Variants in CDK15 observed in about 807,000 individuals in gnomAD.
CDK15 encodes the protein cyclin-dependent kinase 15.
Under a neutral mutation model 60.3 loss-of-function variants are expected in CDK15, and 62 were observed. That is an observed-to-expected ratio of 1.03 (90% CI 0.84 to 1.27). The LOEUF is 1.27. Among genes scored for constraint, CDK15 ranks in the 50% most tolerant of loss-of-function variants. The probability of loss-of-function intolerance (pLI) is 0.00; values close to 1 mark genes in which losing one functional copy is unlikely to be tolerated. For missense variants in CDK15, 541 were observed against 527.8 expected (o/e 1.03, Z -0.25); for synonymous variants, 194 against 195.7 (o/e 0.99, Z 0.07).
At chr2:201,810,902 TG>T (rs1375758538) in intron 3 of CDK15, among the ~76,000 whole-genome samples, 7 of 148,206 alleles carry the variant, frequency 4.7e-5, no homozygotes, top group Admixed American at 4.1e-4. Flanking sequence ...TGGGGTGCAG[TG>T]GCGCAATCTC....
At chr2:201,854,658 CG>C (rs1698064473) in intron 9 of CDK15, 1 of 547,862 alleles carries the variant, frequency 1.8e-6, no homozygotes, top group Non-Finnish European at 3.3e-6. Flanking sequence ...ATGCAGGCCC[CG>C]GACCATAGGA....
chr2:201,813,727 CA>C (rs1695872601), intron 4 of CDK15, among the ~76,000 whole-genome samples: 1 of 152,158 alleles, frequency 6.6e-6, no homozygotes, highest in African/African-American at 2.4e-5. Context: ...GTTATGCAAA[CA>C]AGCATGGAAA....
chr2:201,809,719 T>C (rs1695670432), intron 3 of CDK15, among the ~76,000 whole-genome samples: 1 of 152,070 alleles, frequency 6.6e-6, no homozygotes, highest in Non-Finnish European at 1.5e-5. Context: ...CCCTATAGAA[T>C]CCCTACCCTC....
At chr2:201,887,539 A>G (rs1004090984) in intron 12 of CDK15, among the ~76,000 whole-genome samples, 1 of 152,180 alleles carries the variant, frequency 6.6e-6, no homozygotes, top group South Asian at 2.1e-4. Context: ...TTTGGCTGTA[A>G]TAAACCTCAG....
At chr2:201,833,730 T>TTTC in intron 6 of CDK15, 118 bp from the exon 7 acceptor site, 6 of 764,240 alleles carry the variant, frequency 7.9e-6, no homozygotes, top group Non-Finnish European at 1.1e-5. Flanking sequence ...TTTTTTTTTT[T>TTTC]TTTGGTCTCT....
chr2:201,829,831 G>T (rs1696671274), intron 6 of CDK15, among the ~76,000 whole-genome samples: 1 of 151,080 alleles, frequency 6.6e-6, no homozygotes. Context: ...TTTTTAGATG[G>T]GAGTCTCGCT....
chr2:201,891,817 G>A lies in CDK15; in HGVS notation c.*33+890G>A, dbSNP rs535960647. Reference sequence around the variant, plus strand: ...GCACAGCCTGCCAGCCAGCCTGCCCGCCCTTTAGGTGACCCTGGCTATATT... The same window carrying A: ...GCACAGCCTGCCAGCCAGCCTGCCCACCCTTTAGGTGACCCTGGCTATATT... On this transcript the variant is annotated intron_variant, in intron 13 of 13. Transcript: ENST00000652192. Among the ~76,000 whole-genome samples the A allele has an allele frequency of 9.9e-5, 15 of 152,202 alleles. No homozygotes were observed. In the South Asian group the frequency reaches 1.2e-3, roughly 13 times the overall value.
At chr2:201,861,105 A>G (rs1698374648) in intron 10 of CDK15, 1 of 1,062,414 alleles carries the variant, frequency 9.4e-7, no homozygotes, top group Non-Finnish European at 1.1e-6. Context: ...AACTGCAGGC[A>G]TCAATTCATA....
At chr2:201,836,191 T>TTATATA (rs375587917) in intron 8 of CDK15, among the ~76,000 whole-genome samples, 1,494 of 106,930 alleles carry the variant, frequency 0.014, 28 homozygotes, top group East Asian at 0.028. Flanking sequence ...ATATATTTTT[T>TTATATA]TATATATATA....
intron 6 of CDK15, among the ~76,000 whole-genome samples, chr2:201,832,422 C>T (rs1388328936): frequency 2.0e-5 from 3 of 152,126 alleles, no homozygotes; most frequent in African/African-American, 7.2e-5. Flanking sequence ...GTTTGTATTA[C>T]CTTTTCCATG....
chr2:201,824,999 C>T (rs1696403783), intron 6 of CDK15, among the ~76,000 whole-genome samples: 2 of 152,136 alleles, frequency 1.3e-5, no homozygotes, highest in African/African-American at 4.8e-5. Context: ...GTAAATGATA[C>T]TAATTTTTGT....
At chr2:201,825,701 AGT>A (rs2105719173) in intron 6 of CDK15, among the ~76,000 whole-genome samples, 1 of 152,296 alleles carries the variant, frequency 6.6e-6, no homozygotes, top group Non-Finnish European at 1.5e-5. Flanking sequence ...GAATGTAGAC[AGT>A]TGGATTGAGT....
intron 4 of CDK15, among the ~76,000 whole-genome samples, chr2:201,813,480 C>A (rs1695861727): frequency 6.6e-6 from 1 of 152,206 alleles, no homozygotes; most frequent in Non-Finnish European, 1.5e-5. Context: ...TATTTTCTCC[C>A]ACTTTTAACT....
At chr2:201,849,923 C>G (rs552543973) in intron 9 of CDK15, among the ~76,000 whole-genome samples, 1 of 152,218 alleles carries the variant, frequency 6.6e-6, no homozygotes. Flanking sequence ...CTCCCCAGTT[C>G]AAGCGATTCT....
In CDK15 at chr2:201,893,303, C is replaced by T. The variant is rs996116949; in HGVS notation, c.*36C>T. 1 of 152,082 alleles carries T rather than the reference C, an allele frequency of 6.6e-6. No individual in the cohort carries two copies. Among genetic ancestry groups the T allele is most frequent in the African/African-American group, 2.4e-5 (1 of 41,424 alleles). The allele number at this position is 152,082 out of a possible 1,614,324, so 9.4% of individuals were successfully genotyped here. A position where few individuals can be genotyped will look rare whatever the true frequency, so the allele number is the denominator to read the frequency against. On this transcript the variant is annotated splice_region_variant and 3_prime_UTR_variant, in exon 14 of 14. Transcript: ENST00000652192. ...GTTTATTTTTCATTCACTTCCAGGG[C>T]TGTATTTCTGCAGTTTCGGTTTTCA... is the stretch of plus-strand genomic sequence containing the variant.
intron 6 of CDK15, among the ~76,000 whole-genome samples, chr2:201,827,059 T>C (rs954990754): frequency 1.3e-5 from 2 of 152,240 alleles, no homozygotes; most frequent in African/African-American, 4.8e-5. Context: ...TCTAGTTCTG[T>C]TGGCCTGAAA....
At chr2:201,837,159 A>G (rs12473078) in intron 8 of CDK15, among the ~76,000 whole-genome samples, 151,103 of 151,784 alleles carry the variant, frequency 1, 75,216 homozygotes, top group Middle Eastern at 1. Flanking sequence ...TTAGTCAGGC[A>G]TGATGGCTAA....
intron 6 of CDK15, among the ~76,000 whole-genome samples, chr2:201,825,017 G>A (rs534271857): frequency 6.6e-6 from 1 of 152,200 alleles, no homozygotes; most frequent in African/African-American, 2.4e-5. Context: ...TGTACATTTG[G>A]AATATATAAG....
At position 201,809,415 on chromosome 2, in the gene CDK15, A is replaced by C. The variant is rs147727696; in HGVS notation, c.368+1463A>C. 9.2e-5 allele frequency among the ~76,000 whole-genome samples: 14 copies of C among 152,216 alleles called. No homozygotes were observed. The East Asian group carries it at 2.5e-3, about 27-fold the overall frequency. On this transcript the variant is annotated intron_variant, in intron 3 of 13. Coordinates refer to ENST00000652192, the MANE Select transcript of CDK15 (RefSeq NM_001366386.2). ...GTATATTCACAATCACCCCAGCTCC[A>C]TTTATTAGATTTTCTTTTCTCTGAT...
Sources: allele counts gnomAD v4.1 joint callset (sites outside exome capture counted in the v4.1 genomes callset), GRCh38; gene constraint gnomAD v4.1.1; transcripts MANE v1.5; gene names NCBI Gene and HGNC (gene_info 2026-07-23, HGNC 2026-07-21).